Variants in FBXO42 observed in about 807,000 individuals in gnomAD.
FBXO42 encodes F-box only protein 42.
Under a neutral mutation model 71.7 loss-of-function variants are expected in FBXO42, and 12 were observed. The observed-to-expected ratio is 0.17, with a 90% CI of 0.11 to 0.27. FBXO42 has a LOEUF of 0.27. Among genes scored for constraint, FBXO42 ranks in the 10% least tolerant of loss-of-function variants. FBXO42 has a pLI of 1.00. For synonymous variants in FBXO42, 325 were observed against 327.5 expected, an observed-to-expected ratio of 0.99 and a Z score of 0.08; for missense variants, 707 against 911.9, an observed-to-expected ratio of 0.78 and a Z score of 2.89.
chr1:16,261,220 T>A (rs1472471861), intron 4 of FBXO42, among the ~76,000 whole-genome samples: 1 of 152,116 alleles, frequency 6.6e-6, no homozygotes, highest in East Asian at 1.9e-4. Context: ...CCTCTTTTTC[T>A]CTACAAGGCT....
At chr1:16,278,381 CA>C (rs1350447922) in intron 4 of FBXO42, among the ~76,000 whole-genome samples, 1 of 151,292 alleles carries the variant, frequency 6.6e-6, no homozygotes, top group Non-Finnish European at 1.5e-5. Context: ...AAAAACAAAA[CA>C]AAAAAAACCA....
At chr1:16,316,619 C>T (rs2082369081) in intron 1 of FBXO42, among the ~76,000 whole-genome samples, 1 of 150,670 alleles carries the variant, frequency 6.6e-6, no homozygotes, top group Admixed American at 6.7e-5. Flanking sequence ...CCTGTAATCC[C>T]AGCTACTCAG....
chr1:16,320,514 AT>A (rs1307323332), intron 1 of FBXO42, among the ~76,000 whole-genome samples: 1 of 151,306 alleles, frequency 6.6e-6, no homozygotes, highest in East Asian at 1.9e-4. Context: ...TTGTTTTATT[AT>A]TTTTTTGAGA....
In FBXO42 at chr1:16,253,692, C is replaced by T. The variant is rs200270786; in HGVS notation, c.807G>A (p.Ala269=). ...GGCCAGAGATGTTCGGCTTGGACCA[C>T]GCCCACTGCTCAAGGTCAAGGACCC... ...DVWVLDLEQW[A]WSKPNISGPS... The change falls in exon 7 of 10, where the codon GCG becomes GCA. Residue 269 remains alanine (A), a synonymous_variant. Coordinates refer to ENST00000375592, the MANE Select transcript of FBXO42 (RefSeq NM_018994.3). 2.2e-5 allele frequency: 35 copies of T among 1,614,096 alleles called. No individual in the cohort carries two copies. Among genetic ancestry groups the T allele is most frequent in the East Asian group, 8.9e-5 (4 of 44,902 alleles).
At chr1:16,335,093 T>TAAAAAAA (rs2082540392) in intron 1 of FBXO42, among the ~76,000 whole-genome samples, 1 of 102,600 alleles carries the variant, frequency 9.7e-6, no homozygotes, top group Non-Finnish European at 2.2e-5. Flanking sequence ...AAAAAAAAAT[T>TAAAAAAA]AGCCAGGCTT....
intron 4 of FBXO42, among the ~76,000 whole-genome samples, chr1:16,281,198 G>T (rs1370651093): frequency 1.3e-5 from 2 of 152,136 alleles, no homozygotes; most frequent in Admixed American, 1.3e-4. Context: ...CTGACCTCAG[G>T]TGATCCGCCC....
At chr1:16,271,617 C>T (rs9943144) in intron 4 of FBXO42, among the ~76,000 whole-genome samples, 3,916 of 152,040 alleles carry the variant, frequency 0.026, 145 homozygotes, top group African/African-American at 0.09. Flanking sequence ...GTACCACTCT[C>T]CCCTCACATA....
intron 1 of FBXO42, among the ~76,000 whole-genome samples, chr1:16,348,420 C>T (rs1440430091): frequency 6.6e-6 from 1 of 152,032 alleles, no homozygotes; most frequent in Non-Finnish European, 1.5e-5. Context: ...TGTAATTCGT[C>T]GGGAGCGGTG....
chr1:16,307,986 TG>T (rs771407256), intron 2 of FBXO42, among the ~76,000 whole-genome samples: 5 of 152,176 alleles, frequency 3.3e-5, no homozygotes, highest in Non-Finnish European at 7.4e-5. Context: ...CAAGAAAACA[TG>T]GAAGGAGGAG....
chr1:16,344,525 G>A (rs1467519624), intron 1 of FBXO42, among the ~76,000 whole-genome samples: 4 of 143,328 alleles, frequency 2.8e-5, no homozygotes, highest in East Asian at 2.0e-4. Context: ...TAGTAGAGAC[G>A]GGGTTTCCCC....
chr1:16,266,144 G>GA (rs2081769661), intron 4 of FBXO42, among the ~76,000 whole-genome samples: 2 of 151,920 alleles, frequency 1.3e-5, no homozygotes, highest in Non-Finnish European at 2.9e-5. Context: ...CTACCCCACG[G>GA]AAAATGGCTA....
intron 4 of FBXO42, among the ~76,000 whole-genome samples, chr1:16,280,736 T>G (rs1407527436): frequency 6.6e-6 from 1 of 151,818 alleles, no homozygotes; most frequent in East Asian, 1.9e-4. Context: ...CATCCGCCAC[T>G]GCACTCCAGC....
intron 4 of FBXO42, among the ~76,000 whole-genome samples, chr1:16,269,469 T>C (rs1462560342): frequency 1.3e-5 from 2 of 151,816 alleles, no homozygotes; most frequent in Admixed American, 6.6e-5. Context: ...GCCATTCTCG[T>C]GCCTCAGCTT....
rs535682263 is a variant in FBXO42, at chr1:16,298,081, C to T, written c.368-3164G>A. On this transcript the variant is annotated intron_variant, in intron 3 of 9. Transcript: ENST00000375592. ...CTCTACTAAAAATACAAAAATTGGT[C>T]TGGCATGGTGGCATGCACCTGTAAC... Among the ~76,000 whole-genome samples, 4 of 151,964 alleles carry T rather than the reference C, an allele frequency of 2.6e-5. No homozygotes were observed. The East Asian group carries it at 5.8e-4, about 22-fold the overall frequency.
In FBXO42 at chr1:16,256,475, T is replaced by C. The variant is rs906874919; in HGVS notation, c.656+131A>G. On this transcript the variant is annotated intron_variant, in intron 5 of 9. Coordinates refer to ENST00000375592, the MANE Select transcript of FBXO42 (RefSeq NM_018994.3). ...GTAAAATCTGTGAATATGTGCATTTTTCCCCTCCTGGGAAAAGAGTCCACA... is the reference window on the plus strand; with the variant it reads ...GTAAAATCTGTGAATATGTGCATTTCTCCCCTCCTGGGAAAAGAGTCCACA... The C allele has an allele frequency of 6.3e-6, 6 of 954,186 alleles. No individual in the cohort carries two copies. The Admixed American group carries it at 1.7e-4, about 26-fold the overall frequency. The allele number at this position is 954,186 out of a possible 1,614,324, so 59.1% of individuals were successfully genotyped here. A position where few individuals can be genotyped will look rare whatever the true frequency, so the allele number is the denominator to read the frequency against.
intron 1 of FBXO42, among the ~76,000 whole-genome samples, chr1:16,345,199 G>A (rs892077289): frequency 8.7e-5 from 13 of 149,418 alleles, no homozygotes; most frequent in Non-Finnish European, 1.6e-4. Context: ...CAAGGCAGGC[G>A]GATCACGAGG....
rs2081548074 is a variant in FBXO42 at position 16,247,648 on chromosome 1, T to A, written c.*3022A>T. The A allele has an allele frequency of 6.6e-6, 1 of 152,186 alleles. No homozygotes were observed. Among genetic ancestry groups the A allele is most frequent in the South Asian group, 2.1e-4 (1 of 4,832 alleles). 9.4% of individuals were successfully genotyped at this position (152,186 alleles called of 1,614,324 possible). A position where few individuals can be genotyped will look rare whatever the true frequency, so the allele number is the denominator to read the frequency against. ...GTAAAACTCGAACATTAAAATCAAA[T>A]CAATCCACAGACAGCTGGGAGGAGA... On this transcript the variant is annotated 3_prime_UTR_variant, in exon 10 of 10. Coordinates refer to ENST00000375592, the MANE Select transcript of FBXO42 (RefSeq NM_018994.3).
At chr1:16,265,359 G>C (rs980159835) in intron 4 of FBXO42, among the ~76,000 whole-genome samples, 3 of 152,050 alleles carry the variant, frequency 2.0e-5, no homozygotes, top group African/African-American at 4.8e-5. Context: ...CCAAAGTGCT[G>C]GGATTACAGG....
intron 6 of FBXO42, 81 bp downstream of exon 6, chr1:16,255,629 TG>T: frequency 8.7e-7 from 1 of 1,153,716 alleles, no homozygotes; most frequent in Non-Finnish European, 1.2e-6. Flanking sequence ...ATTAGGCACC[TG>T]GTCCCTAATT....
Sources: gnomAD v4.1 joint callset for allele counts (sites outside exome capture counted in the v4.1 genomes callset) on GRCh38, gnomAD v4.1.1 for gene constraint, MANE v1.5 for transcripts, NCBI Gene and HGNC (gene_info 2026-07-23, HGNC 2026-07-21) for gene names.